Variants in WDR7 observed in about 807,000 individuals in gnomAD.
WDR7 encodes the protein WD repeat domain 7.
Under a neutral mutation model 169.4 loss-of-function variants are expected in WDR7, and 46 were observed. That is an observed-to-expected ratio of 0.27 (90% confidence interval 0.21 to 0.35). The LOEUF is 0.35. Among genes scored for constraint, WDR7 ranks in the 10% least tolerant of loss-of-function variants. WDR7 has a pLI of 1.00. For missense variants in WDR7, 1,534 were observed against 1,859.3 expected (o/e 0.83, Z 3.22); for synonymous variants, 612 against 666.8 (o/e 0.92, Z 1.27).
intron 20 of WDR7, among the ~76,000 whole-genome samples, chr18:56,864,463 G>A (rs552346746): frequency 1.3e-5 from 2 of 151,704 alleles, no homozygotes; most frequent in African/African-American, 4.8e-5. Context: ...TTGCGAAAAT[G>A]ACATTTTCAT....
chr18:56,800,826 C>T (rs994764124), intron 19 of WDR7, among the ~76,000 whole-genome samples: 3 of 152,134 alleles, frequency 2.0e-5, no homozygotes, highest in Admixed American at 2.0e-4. Context: ...TCTGTATTTT[C>T]CCTGCCTTCC....
chr18:56,652,491 C>T lies in WDR7; in HGVS notation c.-20+915C>T, dbSNP rs73957716. Among the ~76,000 whole-genome samples, 884 of 152,290 alleles carry T rather than the reference C, an allele frequency of 5.8e-3. 10 individuals are homozygous for T. The highest frequency in any genetic ancestry group is 0.019 in the African/African-American group (793 of 41,548). On this transcript the variant is annotated intron_variant, in intron 1 of 27. Coordinates refer to ENST00000254442, the MANE Select transcript of WDR7 (RefSeq NM_015285.3). ...TTGTAAAACAAAAATTTTAGTTTGACTCTGCTTCTTGCTTTATAAACAAAC... is the reference window on the plus strand; with the variant it reads ...TTGTAAAACAAAAATTTTAGTTTGATTCTGCTTCTTGCTTTATAAACAAAC...
At chr18:56,979,981 T>C (rs974248089) in intron 26 of WDR7, among the ~76,000 whole-genome samples, 2 of 152,200 alleles carry the variant, frequency 1.3e-5, no homozygotes, top group Non-Finnish European at 2.9e-5. Flanking sequence ...ACCAGAGACT[T>C]CCTTAACCAG....
intron 26 of WDR7, among the ~76,000 whole-genome samples, chr18:56,991,170 G>T (rs1286542205): frequency 1.2e-5 from 1 of 82,316 alleles, no homozygotes; most frequent in African/African-American, 5.5e-5. Context: ...TTTTTGAGAC[G>T]GAGTCTCGCT....
chr18:56,883,707 TA>T (rs1434318907), intron 21 of WDR7, among the ~76,000 whole-genome samples: 1 of 152,140 alleles, frequency 6.6e-6, no homozygotes, highest in Admixed American at 6.5e-5. Flanking sequence ...GTATCATTCT[TA>T]TGCTTTTGAG....
intron 26 of WDR7, among the ~76,000 whole-genome samples, chr18:57,000,927 G>C (rs1280336638): frequency 6.6e-6 from 1 of 152,004 alleles, no homozygotes; most frequent in Non-Finnish European, 1.5e-5. Flanking sequence ...TGTAAATGTA[G>C]GGCCATGTAT....
Position 56,672,733 on chromosome 18 carries a change from T to G in WDR7, c.159+59T>G, listed in dbSNP as rs1260208539. On this transcript the variant is annotated intron_variant, in intron 2 of 27. Transcript: ENST00000254442. ...ATATAAAAATCTACTTATTAGAAGA[T>G]AATATAGTCCCCAAATGATGCTTTT... The G allele has an allele frequency of 2.8e-6, 4 of 1,452,994 alleles. No homozygotes were observed. The Admixed American group carries it at 9.5e-5, about 34-fold the overall frequency. 90.0% of individuals were successfully genotyped at this position (1,452,994 alleles called of 1,614,324 possible).
chr18:56,822,113 T>A (rs1445171496), intron 20 of WDR7, among the ~76,000 whole-genome samples: 1 of 152,152 alleles, frequency 6.6e-6, no homozygotes, highest in Non-Finnish European at 1.5e-5. Flanking sequence ...AAAATGCAAA[T>A]TTGTTATTCT....
Position 56,731,553 on chromosome 18 carries a change from C to G in WDR7, c.1945C>G (p.Gln649Glu). ...TAAAAATATGGCCCATCATAAGCTA[C>G]AAACCCTTGCAACTAACCTCTTGGC... is the stretch of plus-strand genomic sequence containing the variant. ...ALKNMAHHKL[Q>E]TLATNLLASE... The change falls in exon 14 of 28, where the codon CAA becomes GAA. Residue 649 changes from glutamine (Q) to glutamate (E), a missense_variant. Transcript: ENST00000254442. 6.2e-7 allele frequency: 1 copy of G among 1,614,078 alleles called. No individual in the cohort carries two copies. Among genetic ancestry groups the G allele is most frequent in the Non-Finnish European group, 8.5e-7 (1 of 1,180,004 alleles).
At position 56,744,188 on chromosome 18, in the gene WDR7, G is replaced by A. The variant is rs371880185; in HGVS notation, c.1990-12395G>A. Among the ~76,000 whole-genome samples the A allele has an allele frequency of 8.4e-5, 12 of 143,706 alleles. 1 individual carries two copies. The East Asian group carries it at 8.8e-4, about 10-fold the overall frequency. The allele number at this position is 143,706 out of a possible 152,430, so 94.3% of individuals were successfully genotyped here. On this transcript the variant is annotated intron_variant, in intron 14 of 27. Transcript: ENST00000254442. Reference sequence around the variant, plus strand: ...CGGGAGGCGGAGCTTGCAGTGAGCCGAGATCGCGCCACTGCACTCCAGCCT... The same window carrying A: ...CGGGAGGCGGAGCTTGCAGTGAGCCAAGATCGCGCCACTGCACTCCAGCCT...
chr18:56,949,500 G>T (rs1385089528), intron 25 of WDR7, among the ~76,000 whole-genome samples: 2 of 152,188 alleles, frequency 1.3e-5, no homozygotes, highest in African/African-American at 4.8e-5. Flanking sequence ...TCTTTCATCT[G>T]TTGCAGTATA....
intron 20 of WDR7, among the ~76,000 whole-genome samples, chr18:56,820,005 T>C (rs1205656503): frequency 2.0e-5 from 3 of 152,102 alleles, no homozygotes; most frequent in Non-Finnish European, 2.9e-5. Flanking sequence ...CTGACGTACA[T>C]AGAAGAAATT....
rs563838700 is a variant in WDR7 at position 56,762,959 on chromosome 18, T to G, written c.2848+4006T>G. 1.7e-3 allele frequency among the ~76,000 whole-genome samples: 255 copies of G among 152,008 alleles called. 4 individuals carry two copies. Among genetic ancestry groups the G allele is most frequent in the African/African-American group, 4.5e-3 (186 of 41,464 alleles). ...AAGTTTTTTTTTTGTTTGTTTGTTT[T>G]TTTGTTTTGTTTTGTTTTTGAGATG... is the stretch of plus-strand genomic sequence containing the variant. On this transcript the variant is annotated intron_variant, in intron 16 of 27. Coordinates refer to ENST00000254442, the MANE Select transcript of WDR7 (RefSeq NM_015285.3).
At chr18:56,851,728 A>T (rs1262027845) in intron 20 of WDR7, among the ~76,000 whole-genome samples, 1 of 151,740 alleles carries the variant, frequency 6.6e-6, no homozygotes, top group South Asian at 2.1e-4. Context: ...GACACAGTTC[A>T]TATTAAGATT....
intron 12 of WDR7, among the ~76,000 whole-genome samples, chr18:56,705,622 G>A (rs1434019700): frequency 6.6e-6 from 1 of 152,136 alleles, no homozygotes; most frequent in African/African-American, 2.4e-5. Context: ...GTACCTGATG[G>A]ATCTGTCTAC....
chr18:56,988,804 T>C (rs957792600), intron 26 of WDR7, among the ~76,000 whole-genome samples: 1 of 152,194 alleles, frequency 6.6e-6, no homozygotes, highest in Non-Finnish European at 1.5e-5. Context: ...TTTAGGAAAT[T>C]CTTTTTAACT....
intron 27 of WDR7, among the ~76,000 whole-genome samples, chr18:57,024,856 G>A (rs28390226): frequency 0.012 from 140 of 11,428 alleles, 3 homozygotes; most frequent in East Asian, 0.05. Context: ...TCCCTTACAG[G>A]ATTTCACATA....
In WDR7 at chr18:56,749,434, T is replaced by A. The variant is rs894600331; in HGVS notation, c.1990-7149T>A. 5.3e-5 allele frequency among the ~76,000 whole-genome samples: 8 copies of A among 151,542 alleles called. 1 individual carries two copies. The highest frequency in any genetic ancestry group is 2.6e-4 in the Admixed American group (4 of 15,226). ...TGTGTGTTAGATTTGTAATATTTCC[T>A]AGCTTTGTTCTTAGTATCCTTAATC... is the stretch of plus-strand genomic sequence containing the variant. On this transcript the variant is annotated intron_variant, in intron 14 of 27. Transcript: ENST00000254442.
rs544554205 is a variant in WDR7, at chr18:56,928,674, A to G, written c.3713+4566A>G. Among the ~76,000 whole-genome samples the G allele has an allele frequency of 2.6e-5, 4 of 152,258 alleles. No individual in the cohort carries two copies. The South Asian group carries it at 8.3e-4, about 32-fold the overall frequency. ...TCCTTCTATTGAATGCTTACTACCT[A>G]TGAGCTTCTGTGCTATTCAGATCTC... On this transcript the variant is annotated intron_variant, in intron 22 of 27. Transcript: ENST00000254442.
Sources: allele counts gnomAD v4.1 joint callset (sites outside exome capture counted in the v4.1 genomes callset), GRCh38; gene constraint gnomAD v4.1.1; transcripts MANE v1.5; gene names NCBI Gene and HGNC (gene_info 2026-07-23, HGNC 2026-07-21).